Variants in CEP170B observed in about 807,000 individuals in gnomAD.
The protein encoded by CEP170B is centrosomal protein 170B.
Under a neutral mutation model 120.6 loss-of-function variants are expected in CEP170B, and 55 were observed. That is an observed-to-expected ratio of 0.46 (90% CI 0.37 to 0.57). CEP170B has a LOEUF of 0.57. Ranked by LOEUF, CEP170B falls within the 20% of genes least tolerant of loss-of-function variation. The pLI, the probability that CEP170B is intolerant of heterozygous loss-of-function variation, is 0.00. For synonymous variants in CEP170B, 1,033 were observed against 954.5 expected (o/e 1.08, Z -1.52); for missense variants, 2,212 against 2,253.3 (o/e 0.98, Z 0.37).
chr14:104,892,635 G>A (rs765482510), intron 13 of CEP170B, among the ~76,000 whole-genome samples: 3 of 152,232 alleles, frequency 2.0e-5, no homozygotes, highest in Non-Finnish European at 4.4e-5. Context: ...TTTGGGCCCC[G>A]CAGCTGTGAT....
At position 104,865,627 on chromosome 14, in the gene CEP170B, G is replaced by A. The variant is rs562710870; in HGVS notation, c.-28+114G>A. 1.3e-5 allele frequency: 2 copies of A among 151,452 alleles called. No individual in the cohort carries two copies. Among genetic ancestry groups the A allele is most frequent in the Non-Finnish European group, 2.9e-5 (2 of 67,846 alleles). The allele number at this position is 151,452 out of a possible 1,614,324, so 9.4% of individuals were successfully genotyped here. On this transcript the variant is annotated intron_variant, in intron 1 of 18. Coordinates refer to ENST00000414716, the MANE Select transcript of CEP170B (RefSeq NM_001112726.3). The surrounding 1 kb of genome is among the most constrained non-coding windows in gnomAD (Gnocchi z 6.7). ...CCCGGCCGAGGCCGGACAAAGGCGC[G>A]GGGGTTGGGGGCCGCCCGGCGCACC...
chr14:104,878,056 C>A, intron 4 of CEP170B, 93 bp downstream of exon 4: 1 of 1,018,120 alleles, frequency 9.8e-7, no homozygotes, highest in Non-Finnish European at 1.5e-6. Context: ...GCTGTCACTG[C>A]TGGGGTTGCT....
At chr14:104,882,232 T>C (rs1896192978) in intron 6 of CEP170B, among the ~76,000 whole-genome samples, 1 of 152,182 alleles carries the variant, frequency 6.6e-6, no homozygotes, top group Admixed American at 6.5e-5. Flanking sequence ...ACCATGTAGA[T>C]TGCAGTGGCT....
Position 104,895,089 on chromosome 14 carries a change from G to C in CEP170B, c.*131G>C. On this transcript the variant is annotated 3_prime_UTR_variant, in exon 19 of 19. Transcript: ENST00000414716. ...ACATGTGCCATATCCCTGTGGGCGG[G>C]TGCCTCCCACGCCCTTGCCCCCTCG... 2.7e-6 allele frequency: 3 copies of C among 1,107,154 alleles called. No homozygotes were observed. The highest frequency in any genetic ancestry group is 3.7e-6 in the Non-Finnish European group (3 of 802,130). The allele number at this position is 1,107,154 out of a possible 1,614,324, so 68.6% of individuals were successfully genotyped here. A position where few individuals can be genotyped will look rare whatever the true frequency, so the allele number is the denominator to read the frequency against.
In CEP170B at chr14:104,880,339, A is replaced by G. The variant is rs754083457; in HGVS notation, c.386A>G (p.Lys129Arg). 1.9e-6 allele frequency: 3 copies of G among 1,611,798 alleles called. No individual in the cohort carries two copies. In the South Asian group the frequency reaches 3.3e-5, roughly 18 times the overall value. The change falls in exon 6 of 19, where the codon AAG becomes AGG. Residue 129 changes from lysine to arginine, a missense_variant. By Grantham distance (26) the Lys-to-Arg change is conservative. Transcript: ENST00000414716. ...GTGAGCGTGAAGGGTTTGGCGCCCA[A>G]GAGGAGCGAGGCACTGCCGGAACAC... ...LQVSVKGLAP[K>R]RSEALPEHTP... is the part of the protein sequence containing the mutation.
intron 2 of CEP170B, among the ~76,000 whole-genome samples, chr14:104,869,855 G>T (rs1566850069): frequency 6.6e-6 from 1 of 152,170 alleles, no homozygotes; most frequent in African/African-American, 2.4e-5. Flanking sequence ...CAATACATTT[G>T]TGCCATTTCC....
In CEP170B at chr14:104,884,351, G is replaced by A. The variant is rs538480548; in HGVS notation, c.1572G>A (p.Pro524=). 4.1e-5 allele frequency: 63 copies of A among 1,545,030 alleles called. No individual in the cohort carries two copies. The highest frequency in any genetic ancestry group is 1.2e-4 in the African/African-American group (9 of 72,996). ...GGCCCAGCCCCGAGAAGGTTCCTCC[G>A]GTGCTGCCCGCTCCCCTGACACCCC... ...AARPSPEKVP[P]VLPAPLTPHG... The change falls in exon 9 of 19, where the codon CCG becomes CCA. Residue 524 remains proline (P), a synonymous_variant. Coordinates refer to ENST00000414716, the MANE Select transcript of CEP170B (RefSeq NM_001112726.3).
chr14:104,888,242 G>A (rs1258711331), intron 12 of CEP170B, among the ~76,000 whole-genome samples: 1 of 152,204 alleles, frequency 6.6e-6, no homozygotes, highest in African/African-American at 2.4e-5. Context: ...CATCCCCCAG[G>A]GTGTGCCTCA....
At chr14:104,888,275 C>A (rs747068087) in intron 12 of CEP170B, among the ~76,000 whole-genome samples, 1 of 152,218 alleles carries the variant, frequency 6.6e-6, no homozygotes, top group East Asian at 1.9e-4. Flanking sequence ...CCAGGCTGGC[C>A]CTCCCCACTC....
intron 2 of CEP170B, among the ~76,000 whole-genome samples, chr14:104,872,379 TGTGCATGTGTGCCGTGG>T (rs1895587357): frequency 1.3e-5 from 1 of 76,418 alleles, no homozygotes; most frequent in African/African-American, 4.0e-5. Context: ...GTGCCATGGG[TGTGCATGTGTGCCGTGG>T]GTGTGCGTGG....
At chr14:104,878,676 G>A (rs1895987179) in intron 5 of CEP170B, among the ~76,000 whole-genome samples, 175 bp downstream of exon 5, 1 of 152,194 alleles carries the variant, frequency 6.6e-6, no homozygotes, top group South Asian at 2.1e-4. Context: ...AGATGGCCCA[G>A]TCCGGCAGGT....
Position 104,887,510 on chromosome 14 carries a change from G to T in CEP170B, c.3271G>T (p.Ala1091Ser), listed in dbSNP as rs749384767. The T allele has an allele frequency of 1.2e-6, 2 of 1,611,724 alleles. No individual in the cohort carries two copies. The highest frequency in any genetic ancestry group is 1.1e-5 in the South Asian group (1 of 91,006). ...AGCGGCCCCACCGCCATCCCCAGCT[G>T]CCCGGGAGGAGCAGAGCCGTAGCTC... ...KPAAPPPSPA[A>S]REEQSRSSAS... is the part of the protein sequence containing the mutation. The change falls in exon 12 of 19, where the codon GCC (alanine) becomes TCC (serine). Residue 1091 changes from alanine to serine, a missense_variant. By Grantham distance (99) the Ala-to-Ser change is moderately conservative. Around this residue, in one of 2 missense-constraint regions of CEP170B, gnomAD observed 2,166 missense variants for 2,166.7 expected, o/e 1.00. Transcript: ENST00000414716.
At chr14:104,892,457 C>A (rs532790296) in intron 13 of CEP170B, among the ~76,000 whole-genome samples, 21 of 136,064 alleles carry the variant, frequency 1.5e-4, no homozygotes, top group Admixed American at 5.0e-4. Context: ...CCAGCCCCAC[C>A]CTCTGCCCAG....
rs768662962 is a variant in CEP170B at position 104,884,509 on chromosome 14, A to G, written c.1730A>G (p.Gln577Arg). 199 of 1,564,034 alleles carry G rather than the reference A, an allele frequency of 1.3e-4. No individual in the cohort carries two copies. The East Asian group carries it at 4.6e-3, about 36-fold the overall frequency. ...AGTYTIETEA[Q>R]DTEVEEARKM... The stretch of plus-strand genomic sequence containing the variant: ...ACATACACCATCGAGACCGAGGCGC[A>G]GGACACGGAGGTGGAGGAGGCCCGG... The change falls in exon 9 of 19, where the codon CAG (glutamine) becomes CGG (arginine). Residue 577 changes from glutamine to arginine, a missense_variant. Coordinates refer to ENST00000414716, the MANE Select transcript of CEP170B (RefSeq NM_001112726.3).
chr14:104,882,368 C>T (rs547771722), intron 6 of CEP170B, among the ~76,000 whole-genome samples: 6 of 152,230 alleles, frequency 3.9e-5, no homozygotes, highest in East Asian at 3.9e-4. Context: ...TCGGGAAGGC[C>T]GGGGCAGGGT....
Position 104,865,291 on chromosome 14 carries a change from G to A in CEP170B, c.-250G>A, listed in dbSNP as rs1299272616. The A allele has an allele frequency of 1.4e-5, 2 of 146,480 alleles. No homozygotes were observed. Among genetic ancestry groups the A allele is most frequent in the Non-Finnish European group, 1.5e-5 (1 of 65,722 alleles). 9.1% of individuals were successfully genotyped at this position (146,480 alleles called of 1,614,324 possible). ...GCAGACGTCAGGGACCCGCGCGCGA[G>A]GCCGCCGGCGGCCGCTCTGCCGTGG... On this transcript the variant is annotated 5_prime_UTR_variant, in exon 1 of 19. Coordinates refer to ENST00000414716, the MANE Select transcript of CEP170B (RefSeq NM_001112726.3). The surrounding 1 kb of genome is among the most constrained non-coding windows in gnomAD (Gnocchi z 6.7).
At chr14:104,869,873 T>C (rs1422837794) in intron 2 of CEP170B, among the ~76,000 whole-genome samples, 4 of 152,156 alleles carry the variant, frequency 2.6e-5, no homozygotes, top group Non-Finnish European at 5.9e-5. Flanking sequence ...TCCACATTAC[T>C]CAGGAATTTT....
In CEP170B at chr14:104,886,385, G is replaced by A. The variant is rs764395320; in HGVS notation, c.2146G>A (p.Glu716Lys). The change falls in exon 12 of 19, where the codon GAG (glutamate) becomes AAG (lysine). Residue 716 changes from glutamate (E) to lysine (K), a missense_variant. Glu to Lys is a moderately conservative substitution (Grantham distance 56). Transcript: ENST00000414716. ...GAGGGCTGACAGCCCTGCGGGCCCAGAGAGCAGCAGGAGGAGTGGGCCTGG... is the reference window on the plus strand; with the variant it reads ...GAGGGCTGACAGCCCTGCGGGCCCAAAGAGCAGCAGGAGGAGTGGGCCTGG... ...SERADSPAGP[E>K]SSRRSGPGPP... is the part of the protein sequence containing the mutation. 6.3e-7 allele frequency: 1 copy of A among 1,582,712 alleles called. No homozygotes were observed. The highest frequency in any genetic ancestry group is 1.2e-5 in the South Asian group (1 of 86,782).
chr14:104,877,774 G>A (rs78118267), intron 3 of CEP170B, 111 bp from the exon 4 acceptor site: 290,961 of 608,960 alleles, frequency 0.48, 81,080 homozygotes, highest in Middle Eastern at 0.62. Context: ...TGGTGCCCCC[G>A]CGGCCCTGCC....
Sources: gnomAD v4.1 joint callset for allele counts (sites outside exome capture counted in the v4.1 genomes callset) on GRCh38, gnomAD v4.1.1 for gene constraint, gnomAD v4.1.1 regional missense constraint, Gnocchi (gnomAD v3.1) non-coding constraint, MANE v1.5 for transcripts, NCBI Gene and HGNC (gene_info 2026-07-23, HGNC 2026-07-21) for gene names.